Variants in SAMD5 observed in about 807,000 individuals in gnomAD.
SAMD5 encodes sterile alpha motif domain containing 5.
Under a neutral mutation model 11.3 loss-of-function variants are expected in SAMD5, and 13 were observed. That is an observed-to-expected ratio of 1.15 (90% CI 0.75 to 1.83). The LOEUF is 1.83. Ranked by LOEUF, SAMD5 falls within the 40% of genes most tolerant of loss-of-function variation. SAMD5 has a pLI of 0.00. For synonymous variants in SAMD5, 129 were observed against 111.3 expected, an observed-to-expected ratio of 1.16 and a Z score of -1.00; for missense variants, 255 against 239.1, an observed-to-expected ratio of 1.07 and a Z score of -0.44.
At chr6:147,525,960 A>G (rs1788332530) in intron 1 of SAMD5, among the ~76,000 whole-genome samples, 1 of 152,194 alleles carries the variant, frequency 6.6e-6, no homozygotes, top group South Asian at 2.1e-4. Context: ...GTATAGGCCC[A>G]GCCTGTTGGC....
chr6:147,675,564 G>A (rs974265317), intron 1 of SAMD5, among the ~76,000 whole-genome samples: 7 of 152,054 alleles, frequency 4.6e-5, no homozygotes, highest in Non-Finnish European at 8.8e-5. Flanking sequence ...TATTCTACGC[G>A]GGTTTTGTAT....
At chr6:147,852,811 T>G in the SAMD5 span, among the ~76,000 whole-genome samples, 1 of 152,282 alleles carries the variant, frequency 6.6e-6, no homozygotes, top group Non-Finnish European at 1.5e-5. Context: ...AACCAACACA[T>G]GGCTCTTTTC....
intron 1 of SAMD5, among the ~76,000 whole-genome samples, chr6:147,606,005 C>A (rs1386144883): frequency 6.6e-6 from 1 of 152,004 alleles, no homozygotes; most frequent in African/African-American, 2.4e-5. Flanking sequence ...TAACAGCATT[C>A]AAAAACTCTG....
intron 1 of SAMD5, among the ~76,000 whole-genome samples, chr6:147,723,239 A>G (rs964446821): frequency 6.6e-6 from 1 of 151,960 alleles, no homozygotes; most frequent in Non-Finnish European, 1.5e-5. Flanking sequence ...TCTCTTTACC[A>G]TGGTAGCCAA....
At chr6:147,843,565 G>A in the SAMD5 span, among the ~76,000 whole-genome samples, 4 of 152,064 alleles carry the variant, frequency 2.6e-5, no homozygotes, top group East Asian at 7.7e-4. Context: ...GACAAAGCTG[G>A]GGTCATCACA....
intron 1 of SAMD5, among the ~76,000 whole-genome samples, chr6:147,520,502 C>T (rs576070194): frequency 2.3e-4 from 35 of 152,238 alleles, no homozygotes; most frequent in African/African-American, 7.7e-4. Flanking sequence ...TGTTAAAAAG[C>T]AAACACATTG....
At chr6:147,884,153 G>C in the SAMD5 span, among the ~76,000 whole-genome samples, 293 of 151,826 alleles carry the variant, frequency 1.9e-3, no homozygotes, top group African/African-American at 6.7e-3. Context: ...TTACAATAGA[G>C]AGTACTGAGG....
chr6:147,642,696 T>A (rs909814218), intron 1 of SAMD5, among the ~76,000 whole-genome samples: 2 of 152,188 alleles, frequency 1.3e-5, no homozygotes, highest in East Asian at 3.8e-4. Flanking sequence ...GCATATAAAC[T>A]GACTTTTTGT....
the SAMD5 span, among the ~76,000 whole-genome samples, chr6:147,787,924 CTTCT>C: frequency 9.2e-5 from 14 of 152,164 alleles, no homozygotes; most frequent in Non-Finnish European, 1.9e-4. Flanking sequence ...ATCTTTTGGG[CTTCT>C]TTGTCAGCTG....
the SAMD5 span, among the ~76,000 whole-genome samples, chr6:147,779,448 A>G: frequency 6.6e-6 from 1 of 152,124 alleles, no homozygotes; most frequent in African/African-American, 2.4e-5. Context: ...CTTGAAGACA[A>G]AACAATGCCC....
At chr6:147,912,399 C>A in the SAMD5 span, among the ~76,000 whole-genome samples, 3 of 152,178 alleles carry the variant, frequency 2.0e-5, no homozygotes, top group African/African-American at 4.8e-5. Flanking sequence ...AACTGAGGCC[C>A]TCTCCAACAC....
At chr6:147,673,502 C>T (rs980628296) in intron 1 of SAMD5, among the ~76,000 whole-genome samples, 5 of 152,078 alleles carry the variant, frequency 3.3e-5, no homozygotes, top group South Asian at 4.2e-4. Context: ...TGTGAGCCAC[C>T]GCACCCCGCC....
chr6:147,839,507 G>C, the SAMD5 span, among the ~76,000 whole-genome samples: 7 of 152,122 alleles, frequency 4.6e-5, no homozygotes, highest in African/African-American at 1.2e-4. Flanking sequence ...CCAGCATTTT[G>C]GGGGGGCTGA....
chr6:147,882,696 A>G, the SAMD5 span, among the ~76,000 whole-genome samples: 42 of 152,226 alleles, frequency 2.8e-4, no homozygotes, highest in African/African-American at 9.2e-4. Flanking sequence ...CAGCCCTTCT[A>G]ATGTCAGGTA....
intron 1 of SAMD5, among the ~76,000 whole-genome samples, chr6:147,625,651 A>T (rs570620635): frequency 6.6e-6 from 1 of 152,186 alleles, no homozygotes; most frequent in East Asian, 1.9e-4. Context: ...CTACAGCCCC[A>T]CTCATAGCCT....
At chr6:147,907,449 C>T in the SAMD5 span, among the ~76,000 whole-genome samples, 1 of 44,068 alleles carries the variant, frequency 2.3e-5, no homozygotes, top group African/African-American at 1.8e-4. Context: ...TTTGCCATTA[C>T]TTATTTTAAT....
the SAMD5 span, among the ~76,000 whole-genome samples, chr6:147,954,256 C>T: frequency 6.6e-6 from 1 of 152,168 alleles, no homozygotes; most frequent in Non-Finnish European, 1.5e-5. Context: ...TATACTCCTG[C>T]AATTCTGAAA....
chr6:147,837,211 T>G, the SAMD5 span, among the ~76,000 whole-genome samples: 1 of 152,094 alleles, frequency 6.6e-6, no homozygotes, highest in Non-Finnish European at 1.5e-5. Flanking sequence ...TGCTCCCCCT[T>G]CCTCCTTCCT....
the SAMD5 span, among the ~76,000 whole-genome samples, chr6:147,870,482 GTATA>G: frequency 1.6e-4 from 21 of 135,342 alleles, no homozygotes; most frequent in African/African-American, 5.6e-4. Context: ...GTGTGTGTGT[GTATA>G]TATATATGTA....
Sources: gnomAD v4.1 joint callset for allele counts (sites outside exome capture counted in the v4.1 genomes callset) on GRCh38, gnomAD v4.1.1 for gene constraint, MANE v1.5 for transcripts, NCBI Gene and HGNC (gene_info 2026-07-23, HGNC 2026-07-21) for gene names.